The following FOXJ3 variants were observed in gnomAD, a reference collection of about 807,000 sequenced individuals.
The protein encoded by FOXJ3 is forkhead box protein J3.
A neutral mutation model predicts 76.1 loss-of-function variants in FOXJ3; 22 were observed. That is an observed-to-expected ratio of 0.29 (90% CI 0.21 to 0.41). The LOEUF (loss-of-function observed/expected upper bound fraction) is 0.41, where lower values mean the gene tolerates loss of function less well. Among genes scored for constraint, FOXJ3 ranks in the 10% least tolerant of loss-of-function variants. The pLI, the probability that FOXJ3 is intolerant of heterozygous loss-of-function variation, is 1.00. For synonymous variants in FOXJ3, 269 were observed against 261.2 expected (o/e 1.03, Z -0.29); for missense variants, 613 against 762.1 (o/e 0.80, Z 2.30).
At chr1:42,237,083 G>A (rs1408286312) in intron 4 of FOXJ3, among the ~76,000 whole-genome samples, 1 of 151,658 alleles carries the variant, frequency 6.6e-6, no homozygotes, top group East Asian at 1.9e-4. Flanking sequence ...TAAGAATATA[G>A]GCTATTTCTG....
chr1:42,257,446 C>A (rs1055990615), intron 4 of FOXJ3, among the ~76,000 whole-genome samples: 1 of 151,954 alleles, frequency 6.6e-6, no homozygotes, highest in Non-Finnish European at 1.5e-5. Context: ...CTGTGCACAG[C>A]GGCTCACACC....
At chr1:42,227,731 T>A (rs1265662630) in intron 5 of FOXJ3, 152 bp downstream of exon 5, 1 of 425,658 alleles carries the variant, frequency 2.3e-6, no homozygotes, top group African/African-American at 2.0e-5. Flanking sequence ...ATAAAATGAG[T>A]CTGAAAAGTG....
At chr1:42,309,062 A>T (rs1477950632) in intron 2 of FOXJ3, among the ~76,000 whole-genome samples, 1 of 151,624 alleles carries the variant, frequency 6.6e-6, no homozygotes, top group Non-Finnish European at 1.5e-5. Context: ...TGACTTGTGA[A>T]AAGTCAAATA....
chr1:42,295,781 C>T lies in FOXJ3; in HGVS notation c.44+15269G>A, dbSNP rs141282253. ...GACCTCAGGTGATCCGCTGCCTTGG[C>T]CTCCCAAACTGCTGGAATTACAGGC... On this transcript the variant is annotated intron_variant, in intron 2 of 12. Coordinates refer to ENST00000361346, the MANE Select transcript of FOXJ3 (RefSeq NM_014947.5). 9.5e-3 allele frequency among the ~76,000 whole-genome samples: 1,453 copies of T among 152,226 alleles called. 15 individuals are homozygous for T. The highest frequency in any genetic ancestry group is 0.013 in the Non-Finnish European group (895 of 68,016).
At chr1:42,305,347 C>G (rs1442381807) in intron 2 of FOXJ3, among the ~76,000 whole-genome samples, 2 of 151,530 alleles carry the variant, frequency 1.3e-5, no homozygotes, top group Non-Finnish European at 2.9e-5. Flanking sequence ...GGAAGTTCCT[C>G]AAAAAAAACT....
At position 42,299,355 on chromosome 1, in the gene FOXJ3, T is replaced by C. The variant is rs548224608; in HGVS notation, c.44+11695A>G. ...TGTTGTATCAAACCCTTTATCATTA[T>C]ATAATGCTCATCTTTTTTTTTTTTT... On this transcript the variant is annotated intron_variant, in intron 2 of 12. Coordinates refer to ENST00000361346, the MANE Select transcript of FOXJ3 (RefSeq NM_014947.5). Among the ~76,000 whole-genome samples the C allele has an allele frequency of 9.7e-4, 138 of 142,560 alleles. 1 individual carries two copies. Among genetic ancestry groups the C allele is most frequent in the African/African-American group, 3.4e-3 (136 of 39,534 alleles). 93.5% of individuals were successfully genotyped at this position (142,560 alleles called of 152,430 possible). A position where few individuals can be genotyped will look rare whatever the true frequency, so the allele number is the denominator to read the frequency against.
intron 6 of FOXJ3, among the ~76,000 whole-genome samples, chr1:42,201,158 G>A (rs189217776): frequency 9.3e-4 from 141 of 152,156 alleles, no homozygotes; most frequent in African/African-American, 3.2e-3. Flanking sequence ...GGCTTTATCC[G>A]TAGATTCTTT....
intron 5 of FOXJ3, among the ~76,000 whole-genome samples, chr1:42,218,492 AG>A (rs1647116107): frequency 6.6e-6 from 1 of 152,208 alleles, no homozygotes; most frequent in African/African-American, 2.4e-5. Context: ...TTTTTCCGCA[AG>A]GGCCAATATG....
chr1:42,240,151 C>G (rs1399066917), intron 4 of FOXJ3, among the ~76,000 whole-genome samples: 1 of 152,112 alleles, frequency 6.6e-6, no homozygotes, highest in Non-Finnish European at 1.5e-5. Context: ...GCTTAACACT[C>G]AATATACTAT....
chr1:42,230,019 AT>A (rs1366589078), intron 4 of FOXJ3, among the ~76,000 whole-genome samples: 2 of 152,206 alleles, frequency 1.3e-5, no homozygotes, highest in African/African-American at 4.8e-5. Context: ...AAACAAATAG[AT>A]AACTCTTCTT....
intron 2 of FOXJ3, among the ~76,000 whole-genome samples, chr1:42,283,588 G>C (rs773349242): frequency 3.9e-5 from 6 of 152,144 alleles, no homozygotes; most frequent in Non-Finnish European, 8.8e-5. Flanking sequence ...ACAATGTTGT[G>C]ACCCAAATAT....
intron 4 of FOXJ3, among the ~76,000 whole-genome samples, chr1:42,251,706 A>ATTTTTTTTTTT (rs1168120638): frequency 1.3e-4 from 11 of 87,564 alleles, no homozygotes; most frequent in African/African-American, 5.4e-4. Context: ...GTTTGCCAGT[A>ATTTTTTTTTTT]TTTTTTTTTT....
At chr1:42,198,935 C>T (rs72674518) in intron 7 of FOXJ3, among the ~76,000 whole-genome samples, 167 bp downstream of exon 7, 3,959 of 152,132 alleles carry the variant, frequency 0.026, 117 homozygotes, top group East Asian at 0.13. Context: ...CAAATTAAAA[C>T]ACTAACAAGC....
rs538106173 is a variant in FOXJ3 at position 42,184,824 on chromosome 1, T to C, written c.1646-2800A>G. ...GAACAAGATGAGGAAATGAGTCATG[T>C]GTCTAACTGAGGGAAGACCACTCTG... On this transcript the variant is annotated intron_variant, in intron 11 of 12. Transcript: ENST00000361346. 7.2e-5 allele frequency among the ~76,000 whole-genome samples: 11 copies of C among 152,230 alleles called. No homozygotes were observed. In the East Asian group the frequency reaches 2.1e-3, roughly 29 times the overall value.
chr1:42,181,410 G>A (rs1646316205), intron 12 of FOXJ3, among the ~76,000 whole-genome samples: 1 of 152,200 alleles, frequency 6.6e-6, no homozygotes, highest in African/African-American at 2.4e-5. Flanking sequence ...GGAAACTATA[G>A]CTGGGGGAAC....
At chr1:42,200,271 T>C (rs1646736958) in intron 6 of FOXJ3, among the ~76,000 whole-genome samples, 1 of 152,190 alleles carries the variant, frequency 6.6e-6, no homozygotes, top group Non-Finnish European at 1.5e-5. Flanking sequence ...TGATTGGTTT[T>C]CCTATTTTTG....
At chr1:42,329,275 T>C (rs1276052391) in intron 1 of FOXJ3, among the ~76,000 whole-genome samples, 1 of 152,250 alleles carries the variant, frequency 6.6e-6, no homozygotes, top group East Asian at 1.9e-4. Context: ...TCTGCTGATC[T>C]GGTTATAACA....
intron 1 of FOXJ3, among the ~76,000 whole-genome samples, chr1:42,314,061 T>C (rs1030320210): frequency 6.6e-6 from 1 of 152,228 alleles, no homozygotes; most frequent in African/African-American, 2.4e-5. Flanking sequence ...CATCTAAGAA[T>C]GGCTTTCAGG....
chr1:42,335,649 C>T (rs1181523376), upstream of FOXJ3: 1 of 152,088 alleles, frequency 6.6e-6, no homozygotes, highest in Non-Finnish European at 1.5e-5. Flanking sequence ...ACCTTAGCCT[C>T]CTCTCCAGGA....
Sources: gnomAD v4.1 joint callset for allele counts (sites outside exome capture counted in the v4.1 genomes callset) on GRCh38, gnomAD v4.1.1 for gene constraint, MANE v1.5 for transcripts, NCBI Gene and HGNC (gene_info 2026-07-23, HGNC 2026-07-21) for gene names.